SPTAN1: variants seen among roughly 807,000 people sequenced by gnomAD.
The protein encoded by SPTAN1 is spectrin alpha chain, non-erythrocytic 1.
SPTAN1 carries 61 observed loss-of-function variants against 331.3 expected under a neutral mutation model. That is an observed-to-expected ratio of 0.18 (90% confidence interval 0.15 to 0.23). SPTAN1 has a LOEUF of 0.23. SPTAN1 is among the 10% of genes least tolerant of loss of function. SPTAN1 has a pLI of 1.00. For synonymous variants in SPTAN1, 1,153 were observed against 1,173.9 expected (o/e 0.98, Z 0.36); for missense variants, 2,043 against 3,147.9 (o/e 0.65, Z 8.40).
At chr9:128,591,866 C>G (rs10283603) in intron 22 of SPTAN1, among the ~76,000 whole-genome samples, 1 of 152,154 alleles carries the variant, frequency 6.6e-6, no homozygotes, top group Non-Finnish European at 1.5e-5. Context: ...CAGAATTTTT[C>G]TAATCATTGC....
At chr9:128,614,600 CA>C (rs552202114) in intron 40 of SPTAN1, among the ~76,000 whole-genome samples, 25 of 135,984 alleles carry the variant, frequency 1.8e-4, no homozygotes, top group African/African-American at 6.2e-4. Context: ...AAAAAAAAAA[CA>C]AAAAAAAAAC....
chr9:128,587,070 C>T (rs1238464251), intron 19 of SPTAN1, among the ~76,000 whole-genome samples: 1 of 152,208 alleles, frequency 6.6e-6, no homozygotes, highest in Non-Finnish European at 1.5e-5. Flanking sequence ...ATCTGCCTGC[C>T]TCAGCCTCGC....
intron 1 of SPTAN1, among the ~76,000 whole-genome samples, chr9:128,563,711 ATTTCT>A (rs1240825655): frequency 1.5e-5 from 2 of 135,106 alleles, no homozygotes; most frequent in African/African-American, 5.6e-5. Context: ...TTATTCAACC[ATTTCT>A]TTTTTTTTTT....
chr9:128,620,305 G>A (rs766849839), intron 44 of SPTAN1, among the ~76,000 whole-genome samples: 5 of 152,186 alleles, frequency 3.3e-5, no homozygotes, highest in African/African-American at 7.2e-5. Flanking sequence ...GCATCCTCCC[G>A]CTGGTCAGGG....
rs769085429 is a variant in SPTAN1 at position 128,576,786 on chromosome 9, T to C, written c.652-37T>C. 5.6e-6 allele frequency: 9 copies of C among 1,611,372 alleles called. No homozygotes were observed. In the South Asian group the frequency reaches 7.7e-5, roughly 14 times the overall value. On this transcript the variant is annotated intron_variant, in intron 5 of 56. Coordinates refer to ENST00000372739, the MANE Select transcript of SPTAN1 (RefSeq NM_001130438.3). ...GGTAACTAGTTGGAGGAGCCAGAAG[T>C]TGTGTACAAATCCAGTCTCTTCTCT...
chr9:128,558,366 CT>C (rs929999827), intron 1 of SPTAN1, among the ~76,000 whole-genome samples: 8 of 151,078 alleles, frequency 5.3e-5, no homozygotes, highest in East Asian at 1.9e-4. Context: ...AAATATATAC[CT>C]TTTTTTTTAA....
At chr9:128,633,009 A>T (rs1477177750) in intron 56 of SPTAN1, 54 bp downstream of exon 56, 1 of 1,604,890 alleles carries the variant, frequency 6.2e-7, no homozygotes, top group Non-Finnish European at 8.5e-7. Flanking sequence ...CTAAAGCCAA[A>T]TTTGTGGCAG....
intron 45 of SPTAN1, chr9:128,621,658 T>G (rs1168783226): frequency 2.5e-5 from 8 of 321,870 alleles, no homozygotes; most frequent in South Asian, 2.0e-4. Flanking sequence ...CTTTCTTTTC[T>G]CTCCACAGGT....
At chr9:128,566,110 G>A (rs1036562392) in intron 1 of SPTAN1, among the ~76,000 whole-genome samples, 7 of 152,176 alleles carry the variant, frequency 4.6e-5, no homozygotes, top group Admixed American at 6.5e-5. Context: ...AGGGCGGAGC[G>A]CAGTGGTGCA....
chr9:128,598,740 A>C, intron 25 of SPTAN1: 1 of 640,040 alleles, frequency 1.6e-6, no homozygotes, highest in East Asian at 2.7e-5. Flanking sequence ...AAGCTCATTA[A>C]ATATTTAATG....
chr9:128,588,835 G>C lies in SPTAN1; in HGVS notation c.2898G>C (p.Glu966Asp), dbSNP rs1299233929. The change falls in exon 21 of 57, where the codon GAG (glutamate) becomes GAC (aspartate). Residue 966 changes from glutamate (E) to aspartate (D), a missense_variant. Glu to Asp is a conservative substitution (Grantham distance 45). This residue lies in a region of SPTAN1 where 1,038 missense variants were observed against 1,531.5 expected (regional missense o/e 0.68). Transcript: ENST00000372739. ...CRQQVAPTDD[E>D]TGKELVLALY... Reference sequence around the variant, plus strand: ...AACAAGTGGCCCCCACGGATGATGAGACTGGGAAGGAGCTGGTCTTGGCTC... The same window carrying C: ...AACAAGTGGCCCCCACGGATGATGACACTGGGAAGGAGCTGGTCTTGGCTC... 6.2e-7 allele frequency: 1 copy of C among 1,614,056 alleles called. No individual in the cohort carries two copies. The highest frequency in any genetic ancestry group is 8.5e-7 in the Non-Finnish European group (1 of 1,180,034).
chr9:128,619,955 C>G (rs1589363199), intron 44 of SPTAN1, among the ~76,000 whole-genome samples: 1 of 152,228 alleles, frequency 6.6e-6, no homozygotes, highest in East Asian at 1.9e-4. Flanking sequence ...CACACACTGG[C>G]AGCTGAGCCT....
intron 39 of SPTAN1, among the ~76,000 whole-genome samples, chr9:128,612,924 C>CA (rs533329807): frequency 0.011 from 1,531 of 141,676 alleles, 23 homozygotes; most frequent in Middle Eastern, 0.059. Context: ...GACTTCATCT[C>CA]AAAAAAAAAA....
In SPTAN1 at chr9:128,605,477, G is replaced by A. The variant is rs149367932; in HGVS notation, c.4046G>A (p.Arg1349Gln). 25 of 1,613,908 alleles carry A rather than the reference G, an allele frequency of 1.5e-5. No homozygotes were observed. The highest frequency in any genetic ancestry group is 6.7e-5 in the Admixed American group (4 of 59,990). Residue 1349 changes from arginine (R) to glutamine (Q), a missense_variant and splice_region_variant, in exon 31 of 57, where the codon CGG becomes CAG. Transcript: ENST00000372739. ...HDLQRFLSDF[R>Q]DLMSWINGIR... ...CTGCAGCGCTTCCTTAGCGATTTCC[G>A]GTACGGAGCCATGTTCACTCAGACT...
At chr9:128,584,903 C>A in intron 18 of SPTAN1, 60 bp downstream of exon 18, 1 of 1,610,118 alleles carries the variant, frequency 6.2e-7, no homozygotes, top group South Asian at 1.1e-5. Flanking sequence ...CCCTTCTTGC[C>A]GAGGGCATGG....
At chr9:128,561,196 T>C (rs1411227928) in intron 1 of SPTAN1, among the ~76,000 whole-genome samples, 2 of 148,104 alleles carry the variant, frequency 1.4e-5, no homozygotes, top group Non-Finnish European at 3.0e-5. Context: ...TGAAAGCCTG[T>C]CTCTTAAAAA....
In SPTAN1 at chr9:128,583,286, G is replaced by GA; in HGVS notation, c.2011+6dup. On this transcript the variant is annotated splice_donor_region_variant and intron_variant, in intron 15 of 56. Transcript: ENST00000372739. The stretch of plus-strand genomic sequence containing the variant: ...TAGAGGCCACTGAACTGAAAGGTAA[G>GA]AGATGTTCCATTGAATTGTGACATG... 2 of 1,613,352 alleles carry GA rather than the reference G, an allele frequency of 1.2e-6. No homozygotes were observed. The highest frequency in any genetic ancestry group is 1.7e-6 in the Non-Finnish European group (2 of 1,179,860).
intron 18 of SPTAN1, 112 bp downstream of exon 18, chr9:128,584,955 TC>T: frequency 8.0e-7 from 1 of 1,251,204 alleles, no homozygotes; most frequent in Non-Finnish European, 1.2e-6. Context: ...CTGAATACCA[TC>T]CCCATTCTTT....
intron 44 of SPTAN1, among the ~76,000 whole-genome samples, 156 bp downstream of exon 44, chr9:128,619,159 T>G (rs1218114897): frequency 6.6e-6 from 1 of 152,118 alleles, no homozygotes; most frequent in Non-Finnish European, 1.5e-5. Context: ...GCCCTCAAGA[T>G]CTCACACTAG....
Sources: allele counts gnomAD v4.1 joint callset (sites outside exome capture counted in the v4.1 genomes callset), GRCh38; gene constraint gnomAD v4.1.1; regional missense constraint gnomAD v4.1.1; transcripts MANE v1.5; gene names NCBI Gene and HGNC (gene_info 2026-07-23, HGNC 2026-07-21).